CPSF3: variants seen among roughly 807,000 people sequenced by gnomAD.
The protein encoded by CPSF3 is cleavage and polyadenylation specific factor 3.
CPSF3 carries 57 observed loss-of-function variants against 84.1 expected under a neutral mutation model. The ratio of observed to expected loss-of-function variants is 0.68; its 90% confidence interval spans 0.55 to 0.85. The LOEUF is 0.85. Among genes scored for constraint, CPSF3 ranks in the 40% least tolerant of loss-of-function variants. The pLI, the probability that CPSF3 is intolerant of heterozygous loss-of-function variation, is 0.00. For synonymous variants in CPSF3, 275 were observed against 278.1 expected (o/e 0.99, Z 0.11); for missense variants, 522 against 838.8 (o/e 0.62, Z 4.66).
intron 13 of CPSF3, among the ~76,000 whole-genome samples, chr2:9,456,525 A>C (rs567145304): frequency 3.3e-5 from 5 of 152,346 alleles, no homozygotes; most frequent in African/African-American, 1.2e-4. Flanking sequence ...GAAAGACCAG[A>C]AAAGTCTCTT....
chr2:9,455,043 T>C (rs1312090016), intron 12 of CPSF3, among the ~76,000 whole-genome samples: 1 of 152,046 alleles, frequency 6.6e-6, no homozygotes, highest in Non-Finnish European at 1.5e-5. Flanking sequence ...GGTGAAAGAT[T>C]GTTGGGAGTT....
intron 11 of CPSF3, among the ~76,000 whole-genome samples, chr2:9,452,196 G>A (rs1681356139): frequency 6.6e-6 from 1 of 151,908 alleles, no homozygotes; most frequent in African/African-American, 2.4e-5. Flanking sequence ...GGGCATGGTG[G>A]TAGGTGCCTG....
intron 10 of CPSF3, 92 bp downstream of exon 10, chr2:9,443,753 T>G (rs998882203): frequency 7.2e-7 from 1 of 1,388,226 alleles, no homozygotes; most frequent in Non-Finnish European, 1.0e-6. Context: ...GCAGGCATCA[T>G]CACCTACTAA....
At chr2:9,466,249 C>T (rs982809378) in intron 15 of CPSF3, among the ~76,000 whole-genome samples, 38 of 99,028 alleles carry the variant, frequency 3.8e-4, no homozygotes, top group South Asian at 1.6e-3. Context: ...CGCACGCACG[C>T]GCACACACGC....
At chr2:9,429,243 G>A (rs574326243) in intron 2 of CPSF3, among the ~76,000 whole-genome samples, 2 of 152,318 alleles carry the variant, frequency 1.3e-5, no homozygotes, top group East Asian at 1.9e-4. Context: ...TGGGGCTGCC[G>A]GCCTTGGCCA....
At chr2:9,456,164 A>G (rs1681519087) in intron 13 of CPSF3, among the ~76,000 whole-genome samples, 1 of 152,112 alleles carries the variant, frequency 6.6e-6, no homozygotes, top group Non-Finnish European at 1.5e-5. Flanking sequence ...ATACCAGTCT[A>G]TACAGCAGGT....
At chr2:9,438,137 A>G (rs929330970) in intron 7 of CPSF3, among the ~76,000 whole-genome samples, 10 of 152,246 alleles carry the variant, frequency 6.6e-5, no homozygotes, top group South Asian at 2.1e-4. Context: ...TATCCCTGTC[A>G]CACTGAAAAG....
chr2:9,441,746 C>A, intron 8 of CPSF3, 72 bp from the exon 9 acceptor site: 1 of 1,470,532 alleles, frequency 6.8e-7, no homozygotes, highest in Non-Finnish European at 9.4e-7. Flanking sequence ...TTTTGTTATT[C>A]TTTAAAAAGA....
chr2:9,439,398 G>A (rs557255836), intron 7 of CPSF3, among the ~76,000 whole-genome samples: 9 of 151,748 alleles, frequency 5.9e-5, no homozygotes, highest in Non-Finnish European at 1.0e-4. Flanking sequence ...GCATGAACCC[G>A]GGAGGCGGAA....
chr2:9,432,739 T>C (rs1178546367), intron 5 of CPSF3, 51 bp downstream of exon 5: 1 of 1,394,408 alleles, frequency 7.2e-7, no homozygotes, highest in Non-Finnish European at 9.5e-7. Context: ...GTACAGAGCT[T>C]TGTGCCACCA....
chr2:9,436,133 A>ATGGT, intron 6 of CPSF3, 78 bp from the exon 7 acceptor site: 1 of 1,227,110 alleles, frequency 8.1e-7, no homozygotes, highest in Non-Finnish European at 1.1e-6. Context: ...TTAGCCCCTC[A>ATGGT]GTATTTCATT....
chr2:9,455,774 A>C lies in CPSF3; in HGVS notation c.1603+17A>C, dbSNP rs761793286. The C allele has an allele frequency of 3.9e-6, 6 of 1,537,930 alleles. 1 individual carries two copies. Among genetic ancestry groups the C allele is most frequent in the Non-Finnish European group, 5.4e-6 (6 of 1,118,622 alleles). On this transcript the variant is annotated intron_variant, in intron 13 of 17. Coordinates refer to ENST00000238112, the MANE Select transcript of CPSF3 (RefSeq NM_016207.4). ...AATTGACAGGTGTGTGTGTGTACTGAAATTCATTTCATTGTTTTCTGTCTT... is the reference window on the plus strand; with the variant it reads ...AATTGACAGGTGTGTGTGTGTACTGCAATTCATTTCATTGTTTTCTGTCTT...
At chr2:9,450,357 A>G (rs934271415) in intron 11 of CPSF3, among the ~76,000 whole-genome samples, 2 of 151,702 alleles carry the variant, frequency 1.3e-5, no homozygotes, top group African/African-American at 4.8e-5. Context: ...GTTTCACCAC[A>G]TTGGCCAGGC....
At chr2:9,426,445 C>T (rs200219751) in intron 1 of CPSF3, among the ~76,000 whole-genome samples, 5 of 152,032 alleles carry the variant, frequency 3.3e-5, no homozygotes, top group African/African-American at 4.8e-5. Flanking sequence ...TATGAAGTCC[C>T]GGGAGAGATC....
In CPSF3 at chr2:9,471,981, G is replaced by T. The variant is rs140406000; in HGVS notation, c.1953+542G>T. ...AGATCACATTACTGCACTCCAGCCT[G>T]GATGATAGAGCGAGACTCTGTCTCC... On this transcript the variant is annotated intron_variant, in intron 17 of 17. Transcript: ENST00000238112. 5.9e-3 allele frequency among the ~76,000 whole-genome samples: 852 copies of T among 144,358 alleles called. 3 individuals are homozygous for T. The highest frequency in any genetic ancestry group is 7.7e-3 in the Non-Finnish European group (513 of 66,834). The allele number at this position is 144,358 out of a possible 152,430, so 94.7% of individuals were successfully genotyped here. A position where few individuals can be genotyped will look rare whatever the true frequency, so the allele number is the denominator to read the frequency against.
Position 9,438,154 on chromosome 2 carries a change from A to G in CPSF3, c.760+1793A>G, listed in dbSNP as rs556979971. Among the ~76,000 whole-genome samples the G allele has an allele frequency of 3.9e-5, 6 of 152,376 alleles. No homozygotes were observed. In the South Asian group the frequency reaches 6.2e-4, roughly 16 times the overall value. ...TCCCTGTCACACTGAAAAGGAAAAC[A>G]GAAGGAAAGTTGGAAGAAATGACCC... On this transcript the variant is annotated intron_variant, in intron 7 of 17. Coordinates refer to ENST00000238112, the MANE Select transcript of CPSF3 (RefSeq NM_016207.4).
Position 9,448,216 on chromosome 2 carries a change from C to T in CPSF3, c.1261C>T (p.Gln421Ter). The change falls in exon 11 of 18, where the codon CAG (glutamine) becomes TAG (stop). Residue 421 changes from glutamine to a stop codon, truncating the protein, a stop_gained. Transcript: ENST00000238112. LOFTEE classifies it high-confidence loss of function. ...TATGTAGATTTTAGTCCATGGAGAA[C>T]AGAATGAAATGGCCAGATTGAAAGC... ...PPHVILVHGE[Q>*]NEMARLKAAL... The T allele has an allele frequency of 6.2e-7, 1 of 1,604,802 alleles. No individual in the cohort carries two copies. Among genetic ancestry groups the T allele is most frequent in the East Asian group, 2.2e-5 (1 of 44,770 alleles).
At chr2:9,439,010 G>T (rs954896525) in intron 7 of CPSF3, among the ~76,000 whole-genome samples, 9 of 152,086 alleles carry the variant, frequency 5.9e-5, no homozygotes, top group African/African-American at 2.2e-4. Context: ...AACAAACCAA[G>T]AAATGGTGGC....
At chr2:9,472,797 C>T (rs559109753) in intron 17 of CPSF3, 119 bp from the exon 18 acceptor site, 5 of 743,150 alleles carry the variant, frequency 6.7e-6, no homozygotes, top group African/African-American at 1.7e-5. Flanking sequence ...CACAGGCACA[C>T]GCCACCACAG....
Sources: gnomAD v4.1 joint callset for allele counts (sites outside exome capture counted in the v4.1 genomes callset) on GRCh38, gnomAD v4.1.1 for gene constraint, MANE v1.5 for transcripts, NCBI Gene and HGNC (gene_info 2026-07-23, HGNC 2026-07-21) for gene names.